The following DNAH10 variants were observed in gnomAD, a reference collection of about 807,000 sequenced individuals.
DNAH10 encodes axonemal beta dynein heavy chain 10.
In DNAH10, 348 loss-of-function variants were observed where a neutral mutation model predicts 506.6. The ratio of observed to expected loss-of-function variants is 0.69; its 90% confidence interval spans 0.63 to 0.75. The LOEUF is 0.75. Ranked by LOEUF, DNAH10 falls within the 30% of genes least tolerant of loss-of-function variation. The probability of loss-of-function intolerance (pLI) is 0.00; values close to 1 mark genes in which losing one functional copy is unlikely to be tolerated. For missense variants in DNAH10, 5,179 were observed against 5,787.1 expected (o/e 0.89, Z 3.41); for synonymous variants, 2,059 against 2,198.6 (o/e 0.94, Z 1.78).
chr12:123,810,247 A>T (rs1168796247), intron 19 of DNAH10, among the ~76,000 whole-genome samples: 1 of 152,208 alleles, frequency 6.6e-6, no homozygotes, highest in Admixed American at 6.5e-5. Context: ...CTTTGTGGGT[A>T]TGGGGCATCA....
chr12:123,861,097 C>G lies in DNAH10; in HGVS notation c.6835C>G (p.Arg2279Gly), dbSNP rs374772941. ...ELYGILDPTT[R>G]DWTDGVLSNI... Reference sequence around the variant, plus strand: ...CTACGGCATCCTGGACCCAACCACCCGAGACTGGACAGATGGGGTGTTGTC... The same window carrying G: ...CTACGGCATCCTGGACCCAACCACCGGAGACTGGACAGATGGGGTGTTGTC... Residue 2279 changes from arginine (R) to glycine (G), a missense_variant, in exon 39 of 79, where the codon CGA (arginine) becomes GGA (glycine). This residue lies in a region of DNAH10 where 4,844 missense variants were observed against 5,430.5 expected (regional missense o/e 0.89). Transcript: ENST00000673944. 4.3e-6 allele frequency: 7 copies of G among 1,613,786 alleles called. No individual in the cohort carries two copies. In the African/African-American group the frequency reaches 8.0e-5, roughly 18 times the overall value.
At chr12:123,790,609 A>G (rs912266962) in intron 11 of DNAH10, among the ~76,000 whole-genome samples, 128 of 152,134 alleles carry the variant, frequency 8.4e-4, no homozygotes, top group African/African-American at 3.0e-3. Context: ...TGGGAAGAAC[A>G]GTGTGAATGA....
intron 56 of DNAH10, among the ~76,000 whole-genome samples, chr12:123,900,524 C>T (rs563192608): frequency 1.6e-4 from 25 of 152,334 alleles, no homozygotes; most frequent in African/African-American, 5.3e-4. Flanking sequence ...TTTAGTGCCT[C>T]TCCTACCTGT....
chr12:123,900,880 C>T (rs1291258783), intron 56 of DNAH10, among the ~76,000 whole-genome samples: 3 of 152,170 alleles, frequency 2.0e-5, no homozygotes, highest in African/African-American at 7.2e-5. Flanking sequence ...TCAGCATCCC[C>T]AGGGGAGAGA....
chr12:123,850,787 GA>G lies in DNAH10; in HGVS notation c.6103-97del, dbSNP rs1951126829. Reference sequence around the variant, plus strand: ...AGTGGTGTTGTCAGCCTCATACCATGAAAATGAATCGCCACGCAGCTCGCCG... The same window carrying G: ...AGTGGTGTTGTCAGCCTCATACCATGAAATGAATCGCCACGCAGCTCGCCG... On this transcript the variant is annotated intron_variant, in intron 34 of 78. Transcript: ENST00000673944. This position sits in a 1 kb window ranked among gnomAD's most constrained non-coding sequence, Gnocchi z 5.5. 1 of 1,231,682 alleles carries G rather than the reference GA, an allele frequency of 8.1e-7. No individual in the cohort carries two copies. The highest frequency in any genetic ancestry group is 1.5e-5 in the African/African-American group (1 of 65,946). The allele number at this position is 1,231,682 out of a possible 1,614,324, so 76.3% of individuals were successfully genotyped here.
chr12:123,927,650 G>T (rs547802536), intron 69 of DNAH10: 1 of 152,450 alleles, frequency 6.6e-6, no homozygotes, highest in Non-Finnish European at 1.5e-5. Context: ...AAGTCTGTGC[G>T]TCAGTAAGTG....
At chr12:123,763,055 C>T (rs547508761) in intron 1 of DNAH10, among the ~76,000 whole-genome samples, 1 of 152,114 alleles carries the variant, frequency 6.6e-6, no homozygotes, top group Non-Finnish European at 1.5e-5. Flanking sequence ...ACGGAGGGTC[C>T]GAAGAGCACC....
chr12:123,766,385 G>A (rs1484312984), intron 1 of DNAH10, among the ~76,000 whole-genome samples: 1 of 151,846 alleles, frequency 6.6e-6, no homozygotes, highest in Non-Finnish European at 1.5e-5. Flanking sequence ...GATAATATAT[G>A]GATATATAGA....
At chr12:123,798,921 C>T (rs1958378483) in intron 13 of DNAH10, among the ~76,000 whole-genome samples, 1 of 149,330 alleles carries the variant, frequency 6.7e-6, no homozygotes, top group Non-Finnish European at 1.5e-5. Flanking sequence ...GCCTGGCCAA[C>T]ATGGTGAAAC....
rs1594332936 is a variant in DNAH10, at chr12:123,903,211, G to A, written c.9815+98G>A. On this transcript the variant is annotated intron_variant, in intron 57 of 78. Coordinates refer to ENST00000673944, the MANE Select transcript of DNAH10 (RefSeq NM_001372106.1). This position sits in a 1 kb window ranked among gnomAD's most constrained non-coding sequence, Gnocchi z 4.6. Reference sequence around the variant, plus strand: ...ACCAGGAGCTTACAAAGGAGCCGATGCCACATGCTGCCACTGTGCCTGGCT... The same window carrying A: ...ACCAGGAGCTTACAAAGGAGCCGATACCACATGCTGCCACTGTGCCTGGCT... 5.1e-6 allele frequency: 7 copies of A among 1,363,100 alleles called. No homozygotes were observed. Among genetic ancestry groups the A allele is most frequent in the Non-Finnish European group, 5.9e-6 (6 of 1,023,398 alleles). 84.4% of individuals were successfully genotyped at this position (1,363,100 alleles called of 1,614,324 possible). A position where few individuals can be genotyped will look rare whatever the true frequency, so the allele number is the denominator to read the frequency against.
chr12:123,821,007 T>C (rs1437859567), intron 24 of DNAH10, among the ~76,000 whole-genome samples: 1 of 152,160 alleles, frequency 6.6e-6, no homozygotes, highest in Non-Finnish European at 1.5e-5. Context: ...CCCAGCACTT[T>C]GGGAGGCCAA....
At chr12:123,847,267 C>CTATCTATCT (rs1565986085) in intron 32 of DNAH10, among the ~76,000 whole-genome samples, 5 of 107,142 alleles carry the variant, frequency 4.7e-5, no homozygotes, top group East Asian at 2.4e-4. Context: ...TCTATCTATC[C>CTATCTATCT]ATCCATCCAT....
chr12:123,893,638 G>A (rs1490259179), intron 53 of DNAH10, among the ~76,000 whole-genome samples: 1 of 152,256 alleles, frequency 6.6e-6, no homozygotes, highest in African/African-American at 2.4e-5. Context: ...CCTCTGACAG[G>A]AGGATGTACC....
In DNAH10 at chr12:123,916,840, G is replaced by C. The variant is rs1257291206; in HGVS notation, c.11002+104G>C. ...GACATCATTTCACTCAGTGACCCCA[G>C]ATCATTCTCTCATAGGCACATCTGG... On this transcript the variant is annotated intron_variant, in intron 63 of 78. Transcript: ENST00000673944. This position sits in a 1 kb window ranked among gnomAD's most constrained non-coding sequence, Gnocchi z 4.6. The C allele has an allele frequency of 2.2e-6, 3 of 1,382,190 alleles. No homozygotes were observed. The highest frequency in any genetic ancestry group is 2.9e-5 in the African/African-American group (2 of 69,088). 85.6% of individuals were successfully genotyped at this position (1,382,190 alleles called of 1,614,324 possible).
Position 123,847,979 on chromosome 12 carries a change from G to A in DNAH10, c.5833G>A (p.Gly1945Ser), listed in dbSNP as rs780828639. ...ATAACAGGCGCTGTCCATGTATCTA[G>A]GTGGGGCCCCCGCCGGCCCAGCAGG... is the stretch of plus-strand genomic sequence containing the variant. ...TLTQALSMYL[G>S]GAPAGPAGTG... Residue 1945 changes from glycine to serine, a missense_variant, in exon 33 of 79, where the codon GGT becomes AGT. Around this residue, in one of 3 missense-constraint regions of DNAH10, gnomAD observed 4,844 missense variants for 5,430.5 expected, o/e 0.89. Transcript: ENST00000673944. 1 of 1,613,364 alleles carries A rather than the reference G, an allele frequency of 6.2e-7. No individual in the cohort carries two copies. The highest frequency in any genetic ancestry group is 1.1e-5 in the South Asian group (1 of 91,062).
At chr12:123,838,357 C>A (rs558126964) in intron 28 of DNAH10, 99 bp from the exon 29 acceptor site, 3 of 1,046,202 alleles carry the variant, frequency 2.9e-6, no homozygotes, top group Admixed American at 5.2e-5. Flanking sequence ...TTGTCTCGGC[C>A]GTGCCTGGGC....
chr12:123,779,768 G>C (rs1283117236), intron 5 of DNAH10, among the ~76,000 whole-genome samples: 1 of 152,058 alleles, frequency 6.6e-6, no homozygotes, highest in Non-Finnish European at 1.5e-5. Flanking sequence ...ATTTGGATTG[G>C]GCAGCTCTAC....
intron 16 of DNAH10, 117 bp downstream of exon 16, chr12:123,801,549 A>G: frequency 2.3e-6 from 3 of 1,311,392 alleles, no homozygotes; most frequent in Non-Finnish European, 3.1e-6. Flanking sequence ...ACAATTTTTG[A>G]GGGTTAAGAA....
chr12:123,904,488 G>A (rs979013098), intron 57 of DNAH10, among the ~76,000 whole-genome samples: 4 of 152,038 alleles, frequency 2.6e-5, no homozygotes, highest in Non-Finnish European at 5.9e-5. Context: ...GAGAAGGAAC[G>A]GTGAGTCCCT....
Sources: allele counts gnomAD v4.1 joint callset (sites outside exome capture counted in the v4.1 genomes callset), GRCh38; gene constraint gnomAD v4.1.1; regional missense constraint gnomAD v4.1.1; non-coding constraint Gnocchi (gnomAD v3.1); transcripts MANE v1.5; gene names NCBI Gene and HGNC (gene_info 2026-07-23, HGNC 2026-07-21).